Variants in PDE4D observed in about 807,000 individuals in gnomAD.
The protein encoded by PDE4D is phosphodiesterase 4D, also known as 3',5'-cyclic-AMP phosphodiesterase 4D.
A neutral mutation model predicts 87.4 loss-of-function variants in PDE4D; 24 were observed. The observed-to-expected ratio is 0.27, with a 90% CI of 0.20 to 0.39. The LOEUF (loss-of-function observed/expected upper bound fraction) is 0.39, where lower values mean the gene tolerates loss of function less well. Among genes scored for constraint, PDE4D ranks in the 10% least tolerant of loss-of-function variants. The pLI is 1.00. For missense variants in PDE4D, 714 were observed against 1,041.0 expected (o/e 0.69, Z 4.32); for synonymous variants, 384 against 383.2 (o/e 1.00, Z -0.02).
intron 1 of PDE4D, among the ~76,000 whole-genome samples, chr5:60,246,547 C>T (rs1354576441): frequency 6.6e-6 from 1 of 151,662 alleles, no homozygotes. Flanking sequence ...ATTTTCTCTC[C>T]AGCTATATCT....
At chr5:59,507,470 T>C (rs1809464938) in intron 1 of PDE4D, among the ~76,000 whole-genome samples, 1 of 151,920 alleles carries the variant, frequency 6.6e-6, no homozygotes, top group Non-Finnish European at 1.5e-5. Flanking sequence ...GAGTCTAGCC[T>C]GGGCAACAAA....
intron 1 of PDE4D, among the ~76,000 whole-genome samples, chr5:60,305,539 C>T (rs1004479085): frequency 6.6e-6 from 1 of 151,856 alleles, no homozygotes; most frequent in East Asian, 1.9e-4. Flanking sequence ...TAACCAAATA[C>T]ACATCCCAAG....
chr5:60,149,465 C>T (rs1781298264), intron 2 of PDE4D, among the ~76,000 whole-genome samples: 1 of 152,162 alleles, frequency 6.6e-6, no homozygotes, highest in South Asian at 2.1e-4. Context: ...ATCAGCACTG[C>T]TACATTGGGG....
chr5:59,627,801 G>T (rs557301732), intron 1 of PDE4D, among the ~76,000 whole-genome samples: 1 of 152,280 alleles, frequency 6.6e-6, no homozygotes, highest in East Asian at 1.9e-4. Flanking sequence ...CCCCAGCACT[G>T]CTTATCCCTA....
chr5:60,362,939 A>C (rs575916370), intron 1 of PDE4D, among the ~76,000 whole-genome samples: 4 of 152,260 alleles, frequency 2.6e-5, no homozygotes, highest in Admixed American at 1.3e-4. Flanking sequence ...CTTGGTTCCC[A>C]ATGAGCCACT....
intron 2 of PDE4D, among the ~76,000 whole-genome samples, chr5:60,011,641 T>C (rs150133079): frequency 9.0e-4 from 137 of 152,246 alleles, no homozygotes; most frequent in African/African-American, 3.1e-3. Context: ...TTTTCTGCTG[T>C]TGTACCACAT....
chr5:59,449,532 C>T (rs1798835751), intron 1 of PDE4D, among the ~76,000 whole-genome samples: 1 of 152,174 alleles, frequency 6.6e-6, no homozygotes, highest in African/African-American at 2.4e-5. Context: ...ATTAAACTCC[C>T]TTACTTAACT....
chr5:60,394,603 A>G (rs1036685844), intron 1 of PDE4D, among the ~76,000 whole-genome samples: 1 of 152,210 alleles, frequency 6.6e-6, no homozygotes, highest in South Asian at 2.1e-4. Flanking sequence ...TCTAATCAAC[A>G]AAAGCTAAGT....
At chr5:59,872,625 T>C (rs1300010330) in intron 1 of PDE4D, among the ~76,000 whole-genome samples, 1 of 152,196 alleles carries the variant, frequency 6.6e-6, no homozygotes, top group Non-Finnish European at 1.5e-5. Flanking sequence ...TCCCTTTTGC[T>C]AACAGTGAAA....
chr5:59,554,052 G>T (rs1394269685), intron 1 of PDE4D, among the ~76,000 whole-genome samples: 1 of 152,060 alleles, frequency 6.6e-6, no homozygotes, highest in African/African-American at 2.4e-5. Context: ...GAGCAAAGGA[G>T]GGCTGATGTG....
chr5:59,540,358 G>A lies in PDE4D; in HGVS notation c.456-324390C>T, dbSNP rs138754847. On this transcript the variant is annotated intron_variant, in intron 1 of 14. Coordinates refer to ENST00000340635, the MANE Select transcript of PDE4D (RefSeq NM_001104631.2). Reference sequence around the variant, plus strand: ...ACAAGTGTACATCATTTAAAAAAACGAAAACAAAAAAAACCAAAAAACAGA... The same window carrying A: ...ACAAGTGTACATCATTTAAAAAAACAAAAACAAAAAAAACCAAAAAACAGA... Among the ~76,000 whole-genome samples, 442 of 150,690 alleles carry A rather than the reference G, an allele frequency of 2.9e-3. 1 individual carries two copies. Among genetic ancestry groups the A allele is most frequent in the Middle Eastern group, 0.017 (5 of 294 alleles).
At chr5:60,370,897 G>T (rs1434044978) in intron 1 of PDE4D, among the ~76,000 whole-genome samples, 1 of 152,126 alleles carries the variant, frequency 6.6e-6, no homozygotes, top group Non-Finnish European at 1.5e-5. Context: ...CACAAAATGA[G>T]TGAATTGTCC....
At position 60,015,489 on chromosome 5, in the gene PDE4D, C is replaced by T. The variant is rs150867561; in HGVS notation, c.43-26772G>A. Among the ~76,000 whole-genome samples the T allele has an allele frequency of 4.6e-3, 700 of 152,306 alleles. 3 individuals carry two copies. Among genetic ancestry groups the T allele is most frequent in the Middle Eastern group, 0.027 (8 of 294 alleles). On this transcript the variant is annotated intron_variant, in intron 2 of 16. Coordinates refer to the PDE4D transcript ENST00000502484. The stretch of plus-strand genomic sequence containing the variant: ...CCACTTGCTCTCCCTGGGAAGCCAG[C>T]TGCTATGCTGTAAAGAAGCCCAAGC...
At chr5:59,806,152 G>A (rs1260543596) in intron 1 of PDE4D, among the ~76,000 whole-genome samples, 1 of 152,198 alleles carries the variant, frequency 6.6e-6, no homozygotes, top group Non-Finnish European at 1.5e-5. Context: ...TCAGAGCTGA[G>A]AAGCTCTAAG....
At chr5:59,250,835 A>C (rs1416512918) in intron 1 of PDE4D, among the ~76,000 whole-genome samples, 1 of 152,188 alleles carries the variant, frequency 6.6e-6, no homozygotes, top group African/African-American at 2.4e-5. Context: ...GAACAGCCAG[A>C]TAGACCAATG....
At chr5:59,627,768 G>T (rs1166618617) in intron 1 of PDE4D, among the ~76,000 whole-genome samples, 1 of 152,204 alleles carries the variant, frequency 6.6e-6, no homozygotes, top group East Asian at 1.9e-4. Flanking sequence ...CTAGCCTTTG[G>T]TTACTTCCTG....
chr5:59,459,296 C>T lies in PDE4D; in HGVS notation c.456-243328G>A, dbSNP rs187598086. Among the ~76,000 whole-genome samples the T allele has an allele frequency of 1.1e-3, 164 of 152,074 alleles. 1 individual carries two copies. The highest frequency in any genetic ancestry group is 3.4e-3 in the Middle Eastern group (1 of 294). Reference sequence around the variant, plus strand: ...ATTTGGGAAGCAACTTTCTGAGAGGCGAAATATTCTTACATCAGAAAAGAC... The same window carrying T: ...ATTTGGGAAGCAACTTTCTGAGAGGTGAAATATTCTTACATCAGAAAAGAC... On this transcript the variant is annotated intron_variant, in intron 1 of 14. Coordinates refer to ENST00000340635, the MANE Select transcript of PDE4D (RefSeq NM_001104631.2).
intron 5 of PDE4D, among the ~76,000 whole-genome samples, chr5:59,100,646 G>T (rs996123021): frequency 6.6e-6 from 1 of 152,136 alleles, no homozygotes. Flanking sequence ...TCAATAGTTT[G>T]CTGAATGAAT....
chr5:59,703,843 C>T (rs1752976642), intron 1 of PDE4D: 2 of 260,942 alleles, frequency 7.7e-6, no homozygotes, highest in African/African-American at 4.6e-5. Flanking sequence ...GAATCATCAT[C>T]TAATATTTGC....
Sources: gnomAD v4.1 joint callset for allele counts (sites outside exome capture counted in the v4.1 genomes callset) on GRCh38, gnomAD v4.1.1 for gene constraint, MANE v1.5 for transcripts, NCBI Gene and HGNC (gene_info 2026-07-23, HGNC 2026-07-21) for gene names.